Variants in NSMCE2 observed in about 807,000 individuals in gnomAD.
NSMCE2 encodes NSE2 SUMO ligase component of SMC5/6 complex.
A neutral mutation model predicts 23.8 loss-of-function variants in NSMCE2; 24 were observed. That is an observed-to-expected ratio of 1.01 (90% CI 0.73 to 1.42). NSMCE2 has a LOEUF of 1.42. Among genes scored for constraint, NSMCE2 ranks in the 40% most tolerant of loss-of-function variants. NSMCE2 has a pLI of 0.00. For synonymous variants in NSMCE2, 92 were observed against 94.1 expected, an observed-to-expected ratio of 0.98 and a Z score of 0.13; for missense variants, 284 against 296.5, an observed-to-expected ratio of 0.96 and a Z score of 0.31.
rs536489521 is a variant in NSMCE2, at chr8:125,319,162, A to G, written c.419-38057A>G. ...CTTCAGTAGTAGAAAAAAATTAACC[A>G]TAGATTAAACACCACTCTGGTCATC... On this transcript the variant is annotated intron_variant, in intron 5 of 7. Coordinates refer to ENST00000287437, the MANE Select transcript of NSMCE2 (RefSeq NM_173685.4). Among the ~76,000 whole-genome samples, 221 of 152,348 alleles carry G rather than the reference A, an allele frequency of 1.5e-3. 2 individuals are homozygous for G. Among genetic ancestry groups the G allele is most frequent in the African/African-American group, 5.1e-3 (211 of 41,580 alleles).
In NSMCE2 at chr8:125,325,795, T is replaced by C. The variant is rs184976207; in HGVS notation, c.419-31424T>C. Among the ~76,000 whole-genome samples the C allele has an allele frequency of 6.2e-3, 947 of 152,168 alleles. 5 individuals are homozygous for C. Among genetic ancestry groups the C allele is most frequent in the Non-Finnish European group, 8.3e-3 (565 of 67,986 alleles). ...GGTGAAACCCCCACTCTACTAAAAA[T>C]ATAAAAGTTAACTGGGCATGGTGGC... On this transcript the variant is annotated intron_variant, in intron 5 of 7. Transcript: ENST00000287437.
At chr8:125,301,473 G>A (rs201239486) in intron 5 of NSMCE2, among the ~76,000 whole-genome samples, 3 of 152,048 alleles carry the variant, frequency 2.0e-5, no homozygotes, top group South Asian at 2.1e-4. Flanking sequence ...TGGAGGTGGC[G>A]GTGGGGTGGT....
chr8:125,302,196 A>G (rs986894927), intron 5 of NSMCE2, among the ~76,000 whole-genome samples: 1 of 151,878 alleles, frequency 6.6e-6, no homozygotes, highest in Non-Finnish European at 1.5e-5. Context: ...GCCTCAAGTC[A>G]TCTGCCCGCC....
intron 4 of NSMCE2, among the ~76,000 whole-genome samples, chr8:125,166,299 G>A (rs749441867): frequency 2.6e-5 from 4 of 152,056 alleles, no homozygotes; most frequent in African/African-American, 4.8e-5. Flanking sequence ...ACAGAGTCTC[G>A]CTCTGTCACC....
intron 3 of NSMCE2, among the ~76,000 whole-genome samples, chr8:125,114,963 C>T (rs553321345): frequency 9.9e-5 from 15 of 152,176 alleles, no homozygotes; most frequent in Middle Eastern, 3.2e-3. Context: ...TAGCATTCCT[C>T]GTGTTTCCCT....
At chr8:125,144,318 G>C (rs775275058) in intron 3 of NSMCE2, among the ~76,000 whole-genome samples, 1 of 152,174 alleles carries the variant, frequency 6.6e-6, no homozygotes, top group Non-Finnish European at 1.5e-5. Context: ...TTGCAGAACT[G>C]GTTGCTGCTC....
chr8:125,145,224 C>T (rs1820607493), intron 3 of NSMCE2, among the ~76,000 whole-genome samples: 1 of 152,144 alleles, frequency 6.6e-6, no homozygotes, highest in Non-Finnish European at 1.5e-5. Flanking sequence ...ACACTTCAGT[C>T]CACAATGGTT....
At chr8:125,130,091 G>T in intron 3 of NSMCE2, 1 of 337,676 alleles carries the variant, frequency 3.0e-6, no homozygotes, top group Non-Finnish European at 6.0e-6. Flanking sequence ...CTTCTTAGTT[G>T]GTTTCGCTTT....
At chr8:125,334,743 G>A (rs1017664208) in intron 5 of NSMCE2, among the ~76,000 whole-genome samples, 3 of 146,792 alleles carry the variant, frequency 2.0e-5, no homozygotes, top group South Asian at 2.2e-4. Context: ...ACGAAGGATT[G>A]GGCCAAAAAA....
chr8:125,182,118 C>T lies in NSMCE2; in HGVS notation c.280C>T (p.Pro94Ser), dbSNP rs201824679. Residue 94 changes from proline (P) to serine (S), a missense_variant, in exon 5 of 8, where the codon CCA becomes TCA. Coordinates refer to ENST00000287437, the MANE Select transcript of NSMCE2 (RefSeq NM_173685.4). ...STINHVKEER[P>S]EKIPDLKLLV... ...TCTCCCTTAGGTGAAAGAAGAACGT[C>T]CAGAAAAAATACCAGATTTAAAATT... 6.3e-7 allele frequency: 1 copy of T among 1,595,010 alleles called. No homozygotes were observed. The highest frequency in any genetic ancestry group is 1.4e-5 in the African/African-American group (1 of 73,448).
At chr8:125,196,714 C>T (rs912237590) in intron 5 of NSMCE2, among the ~76,000 whole-genome samples, 1 of 152,156 alleles carries the variant, frequency 6.6e-6, no homozygotes, top group East Asian at 1.9e-4. Flanking sequence ...TGGGTATATA[C>T]CCAGTAATGG....
rs565753199 is a variant in NSMCE2 at position 125,226,140 on chromosome 8, G to T, written c.418+43884G>T. Among the ~76,000 whole-genome samples, 25 of 152,162 alleles carry T rather than the reference G, an allele frequency of 1.6e-4. No homozygotes were observed. The East Asian group carries it at 4.6e-3, about 28-fold the overall frequency. On this transcript the variant is annotated intron_variant, in intron 5 of 7. Transcript: ENST00000287437. Reference sequence around the variant, plus strand: ...ACATTTTGTTTTGATCTTTTTCTTGGCATATTAAACTGACATTGGGCACCA... The same window carrying T: ...ACATTTTGTTTTGATCTTTTTCTTGTCATATTAAACTGACATTGGGCACCA...
intron 5 of NSMCE2, among the ~76,000 whole-genome samples, chr8:125,243,767 C>T (rs1825850802): frequency 6.6e-6 from 1 of 152,102 alleles, no homozygotes; most frequent in Non-Finnish European, 1.5e-5. Context: ...ACTTTGTATC[C>T]AATTACCTAA....
intron 5 of NSMCE2, among the ~76,000 whole-genome samples, chr8:125,232,793 T>C (rs1354631991): frequency 2.0e-5 from 3 of 152,200 alleles, no homozygotes; most frequent in African/African-American, 4.8e-5. Context: ...TTTGGATATG[T>C]AGAAATACTT....
intron 3 of NSMCE2, among the ~76,000 whole-genome samples, chr8:125,124,470 TTCTCTC>T (rs376240525): frequency 4.8e-5 from 7 of 146,312 alleles, no homozygotes; most frequent in South Asian, 2.2e-4. Context: ...TCCTCAGGAT[TTCTCTC>T]TCTCTCTCTC....
chr8:125,357,513 T>C (rs930513599), intron 6 of NSMCE2, among the ~76,000 whole-genome samples, 194 bp downstream of exon 6: 3 of 152,212 alleles, frequency 2.0e-5, no homozygotes, highest in African/African-American at 7.2e-5. Flanking sequence ...CCCTGAAGGA[T>C]CCGGGACTAA....
chr8:125,158,512 A>T (rs1167030243), intron 4 of NSMCE2, among the ~76,000 whole-genome samples: 2 of 152,140 alleles, frequency 1.3e-5, no homozygotes, highest in Non-Finnish European at 2.9e-5. Flanking sequence ...TGACCACAGC[A>T]CTCCAGGTAG....
chr8:125,353,300 G>A (rs16900568), intron 5 of NSMCE2, among the ~76,000 whole-genome samples: 5 of 152,122 alleles, frequency 3.3e-5, no homozygotes, highest in Admixed American at 6.5e-5. Flanking sequence ...TTAAACACAC[G>A]ATCAGAAATG....
intron 5 of NSMCE2, among the ~76,000 whole-genome samples, chr8:125,262,252 C>T (rs979685951): frequency 2.0e-5 from 3 of 151,874 alleles, no homozygotes; most frequent in African/African-American, 7.3e-5. Context: ...GGTGAAACCC[C>T]GTCTCTACTA....
Sources: allele counts gnomAD v4.1 joint callset (sites outside exome capture counted in the v4.1 genomes callset), GRCh38; gene constraint gnomAD v4.1.1; transcripts MANE v1.5; gene names NCBI Gene and HGNC (gene_info 2026-07-23, HGNC 2026-07-21).